The following FYB1 variants were observed in gnomAD, a reference collection of about 807,000 sequenced individuals.
FYB1 encodes the protein FYN binding protein 1, also known as FYN-binding protein 1.
Under a neutral mutation model 94.1 loss-of-function variants are expected in FYB1, and 41 were observed. That is an observed-to-expected ratio of 0.44 (90% CI 0.34 to 0.57). The LOEUF (loss-of-function observed/expected upper bound fraction) is 0.57, where lower values mean the gene tolerates loss of function less well. Among genes scored for constraint, FYB1 ranks in the 20% least tolerant of loss-of-function variants. The pLI is 0.02. For synonymous variants in FYB1, 367 were observed against 353.2 expected (o/e 1.04, Z -0.44); for missense variants, 1,050 against 976.8 (o/e 1.07, Z -1.00).
chr5:39,257,320 G>A (rs935537540), intron 1 of FYB1, among the ~76,000 whole-genome samples: 1 of 151,840 alleles, frequency 6.6e-6, no homozygotes, highest in Non-Finnish European at 1.5e-5. Context: ...ATAAAGCAAA[G>A]GTCCTAATAT....
At chr5:39,257,413 A>G (rs1447087524) in intron 1 of FYB1, among the ~76,000 whole-genome samples, 9 of 134,092 alleles carry the variant, frequency 6.7e-5, no homozygotes, top group South Asian at 2.3e-4. Context: ...TTCGTCTTGC[A>G]GAATTTTTTT....
chr5:39,257,311 T>A (rs764468012), intron 1 of FYB1, among the ~76,000 whole-genome samples: 1 of 152,114 alleles, frequency 6.6e-6, no homozygotes, highest in Non-Finnish European at 1.5e-5. Context: ...GTAGGACTTA[T>A]AAAGCAAAGG....
At chr5:39,237,240 G>A (rs1187176497) in intron 1 of FYB1, among the ~76,000 whole-genome samples, 2 of 152,054 alleles carry the variant, frequency 1.3e-5, no homozygotes, top group Admixed American at 1.3e-4. Context: ...AAATCGAGTC[G>A]AAAGGCAAGG....
chr5:39,252,853 A>C (rs1751787057), intron 1 of FYB1, among the ~76,000 whole-genome samples: 1 of 152,208 alleles, frequency 6.6e-6, no homozygotes, highest in South Asian at 2.1e-4. Flanking sequence ...AATGGAGTAA[A>C]AGTAGTACCT....
rs75681577 is a variant in FYB1 at position 39,216,717 on chromosome 5, A to G, written c.-28+2726T>C. Among the ~76,000 whole-genome samples, 227 of 152,300 alleles carry G rather than the reference A, an allele frequency of 1.5e-3. 5 individuals carry two copies. In the East Asian group the frequency reaches 0.037, roughly 25 times the overall value. The stretch of plus-strand genomic sequence containing the variant: ...TTTTGCTGCACCACCATTTGTTGCC[A>G]TATTAGAGGTGACATCCCAGCTGGG... On this transcript the variant is annotated intron_variant, in intron 1 of 18. Coordinates refer to ENST00000512982, the MANE Select transcript of FYB1 (RefSeq NM_001465.6).
intron 14 of FYB1, 72 bp from the exon 15 acceptor site, chr5:39,119,706 G>T (rs1219327745): frequency 5.3e-6 from 7 of 1,319,252 alleles, no homozygotes; most frequent in Non-Finnish European, 2.0e-6. Context: ...TAACAGAGAC[G>T]ATTCATAGCA....
At position 39,134,486 on chromosome 5, in the gene FYB1, C is replaced by T. The variant is rs1158071019; in HGVS notation, c.1676-137G>A. 1.2e-5 allele frequency: 9 copies of T among 722,834 alleles called. No homozygotes were observed. The Middle Eastern group carries it at 3.3e-3, about 264-fold the overall frequency. The allele number at this position is 722,834 out of a possible 1,614,324, so 44.8% of individuals were successfully genotyped here. A position where few individuals can be genotyped will look rare whatever the true frequency, so the allele number is the denominator to read the frequency against. The stretch of plus-strand genomic sequence containing the variant: ...TCTTGTAGTTCTGATTTGTAGACCT[C>T]CCAAGTAGACCCAAATTTTACTGTA... On this transcript the variant is annotated intron_variant, in intron 8 of 18. Transcript: ENST00000512982.
intron 1 of FYB1, among the ~76,000 whole-genome samples, chr5:39,238,791 G>A (rs1306051061): frequency 6.6e-6 from 1 of 152,076 alleles, no homozygotes; most frequent in Non-Finnish European, 1.5e-5. Flanking sequence ...AGGGTATCAG[G>A]GTGAGGCTTC....
intron 1 of FYB1, among the ~76,000 whole-genome samples, chr5:39,255,092 C>T (rs928997383): frequency 6.6e-6 from 1 of 152,100 alleles, no homozygotes; most frequent in African/African-American, 2.4e-5. Flanking sequence ...AACAATTTAT[C>T]ATCACATGCA....
intron 1 of FYB1, among the ~76,000 whole-genome samples, chr5:39,214,191 C>G (rs1400798652): frequency 6.6e-6 from 1 of 152,034 alleles, no homozygotes; most frequent in African/African-American, 2.4e-5. Context: ...AAATGAGATA[C>G]TACTTCACAT....
intron 2 of FYB1, among the ~76,000 whole-genome samples, chr5:39,200,170 AG>A (rs1251739836): frequency 6.6e-6 from 1 of 152,230 alleles, no homozygotes; most frequent in Non-Finnish European, 1.5e-5. Flanking sequence ...GAGGAGAAGG[AG>A]AACAAGGATA....
At chr5:39,212,796 T>C (rs890138704) in intron 1 of FYB1, 1 of 152,186 alleles carries the variant, frequency 6.6e-6, no homozygotes, top group African/African-American at 2.4e-5. Flanking sequence ...CCACTCTCTT[T>C]TCCCAGGCAC....
chr5:39,124,915 CCACACACACACACACACA>C (rs56887056), intron 12 of FYB1, among the ~76,000 whole-genome samples: 3 of 139,474 alleles, frequency 2.2e-5, no homozygotes, highest in Non-Finnish European at 4.7e-5. Flanking sequence ...TAAATACACT[CCACACACACACACACACA>C]CACACACACA....
intron 1 of FYB1, among the ~76,000 whole-genome samples, chr5:39,267,358 TATCATCATCATCATCATCATC>T (rs10658182): frequency 4.1e-5 from 6 of 145,320 alleles, no homozygotes; most frequent in Non-Finnish European, 9.1e-5. Flanking sequence ...GTGGGATAGC[TATCATCATCATCATCATCATC>T]ATCATCATCA....
At chr5:39,175,042 T>C (rs1561213828) in intron 2 of FYB1, among the ~76,000 whole-genome samples, 1 of 152,102 alleles carries the variant, frequency 6.6e-6, no homozygotes, top group Non-Finnish European at 1.5e-5. Flanking sequence ...TGTGTGTGCG[T>C]TTGTGGTGGG....
At chr5:39,185,309 T>G (rs114185342) in intron 2 of FYB1, among the ~76,000 whole-genome samples, 182 of 152,140 alleles carry the variant, frequency 1.2e-3, no homozygotes, top group African/African-American at 4.3e-3. Context: ...TTCTTTGCAT[T>G]GTATAAACCT....
intron 12 of FYB1, among the ~76,000 whole-genome samples, chr5:39,124,639 G>A (rs1016959727): frequency 1.3e-5 from 2 of 152,030 alleles, no homozygotes; most frequent in African/African-American, 2.4e-5. Context: ...TGGAGGCATC[G>A]TGGCATACAT....
At chr5:39,143,121 T>G (rs941846184) in intron 3 of FYB1, among the ~76,000 whole-genome samples, 10 of 152,232 alleles carry the variant, frequency 6.6e-5, no homozygotes, top group African/African-American at 2.4e-4. Flanking sequence ...AATTCCATGT[T>G]GAAATCTCTA....
At chr5:39,152,124 T>C (rs1184262291) in intron 3 of FYB1, among the ~76,000 whole-genome samples, 1 of 152,100 alleles carries the variant, frequency 6.6e-6, no homozygotes, top group Non-Finnish European at 1.5e-5. Context: ...TCATGGAGGA[T>C]TAGAGGCTTT....
Sources: gnomAD v4.1 joint callset for allele counts (sites outside exome capture counted in the v4.1 genomes callset) on GRCh38, gnomAD v4.1.1 for gene constraint, MANE v1.5 for transcripts, NCBI Gene and HGNC (gene_info 2026-07-23, HGNC 2026-07-21) for gene names.